Variants in GBF1 observed in about 807,000 individuals in gnomAD.
GBF1 encodes Golgi-specific brefeldin A-resistance guanine nucleotide exchange factor 1.
Under a neutral mutation model 210.5 loss-of-function variants are expected in GBF1, and 114 were observed. The ratio of observed to expected loss-of-function variants is 0.54; its 90% CI spans 0.47 to 0.63. The LOEUF (loss-of-function observed/expected upper bound fraction) is 0.63, where lower values mean the gene tolerates loss of function less well. GBF1 is among the 30% of genes least tolerant of loss of function. The probability of loss-of-function intolerance (pLI) is 0.00; values close to 1 mark genes in which losing one functional copy is unlikely to be tolerated. For missense variants in GBF1, 1,851 were observed against 2,357.7 expected (o/e 0.79, Z 4.45); for synonymous variants, 850 against 889.2 (o/e 0.96, Z 0.78).
chr10:102,273,126 A>G (rs1488078853), intron 3 of GBF1, among the ~76,000 whole-genome samples: 2 of 152,114 alleles, frequency 1.3e-5, no homozygotes, highest in African/African-American at 4.8e-5. Flanking sequence ...GTGCATCATG[A>G]GGTCAGGAGT....
intron 3 of GBF1, among the ~76,000 whole-genome samples, chr10:102,323,496 C>A (rs948797514): frequency 6.6e-6 from 1 of 151,438 alleles, no homozygotes; most frequent in Non-Finnish European, 1.5e-5. Flanking sequence ...TCTTCCTTTT[C>A]TTCTTTTATT....
chr10:102,327,656 A>G (rs2057008593), intron 3 of GBF1, among the ~76,000 whole-genome samples: 1 of 152,202 alleles, frequency 6.6e-6, no homozygotes, highest in Non-Finnish European at 1.5e-5. Flanking sequence ...CATGTAATGG[A>G]ATACCCATTA....
intron 30 of GBF1, 23 bp from the exon 31 acceptor site, chr10:102,376,249 G>C: frequency 6.2e-7 from 1 of 1,608,310 alleles, no homozygotes; most frequent in African/African-American, 1.3e-5. Flanking sequence ...CCCTGACTCT[G>C]CCCTTCTCCC....
intron 4 of GBF1, 124 bp from the exon 5 acceptor site, chr10:102,351,132 G>T (rs1461723769): frequency 1.7e-6 from 1 of 573,344 alleles, no homozygotes; most frequent in Non-Finnish European, 3.1e-6. Context: ...TTCTCAGGTA[G>T]CTCAAGGAGC....
chr10:102,297,853 A>T (rs1489838411), intron 3 of GBF1, among the ~76,000 whole-genome samples: 1 of 152,204 alleles, frequency 6.6e-6, no homozygotes, highest in Non-Finnish European at 1.5e-5. Context: ...ATAGGTAAAA[A>T]GTTGTTAGAA....
chr10:102,266,543 A>G (rs2073891685), intron 3 of GBF1, among the ~76,000 whole-genome samples: 1 of 152,196 alleles, frequency 6.6e-6, no homozygotes, highest in Non-Finnish European at 1.5e-5. Context: ...AACATTTTGT[A>G]GCCTCTACTT....
intron 3 of GBF1, among the ~76,000 whole-genome samples, chr10:102,263,991 A>G (rs1286618205): frequency 6.6e-6 from 1 of 152,112 alleles, no homozygotes; most frequent in Non-Finnish European, 1.5e-5. Context: ...TGTGGTTACC[A>G]GGGGCTGGGA....
rs754798125 is a variant in GBF1, at chr10:102,358,189, G to A, written c.787+3G>A. The A allele has an allele frequency of 1.9e-6, 3 of 1,612,712 alleles. No individual in the cohort carries two copies. Among genetic ancestry groups the A allele is most frequent in the Admixed American group, 1.7e-5 (1 of 59,964 alleles). On this transcript the variant is annotated splice_donor_region_variant and intron_variant, in intron 9 of 39. Transcript: ENST00000369983. ...CACCTTATCATCTAACCTCACTGGT[G>A]AGTGCCCTGGACTACTTCCTCTGAT...
intron 3 of GBF1, among the ~76,000 whole-genome samples, chr10:102,276,062 C>A (rs2074932674): frequency 1.3e-5 from 2 of 151,532 alleles, no homozygotes; most frequent in African/African-American, 2.4e-5. Flanking sequence ...CATGGTGAAA[C>A]CTCGTCTCTA....
chr10:102,364,082 T>C (rs1340942812), intron 17 of GBF1, among the ~76,000 whole-genome samples: 1 of 152,138 alleles, frequency 6.6e-6, no homozygotes, highest in African/African-American at 2.4e-5. Flanking sequence ...AGTTGGTGTC[T>C]TGTGGGTCAT....
intron 3 of GBF1, among the ~76,000 whole-genome samples, chr10:102,314,837 A>G (rs1307066309): frequency 2.0e-5 from 3 of 152,194 alleles, no homozygotes; most frequent in Non-Finnish European, 4.4e-5. Flanking sequence ...AAAAACATCT[A>G]CCTAGCTGGC....
At chr10:102,272,354 C>T (rs2074525529) in intron 3 of GBF1, among the ~76,000 whole-genome samples, 1 of 152,212 alleles carries the variant, frequency 6.6e-6, no homozygotes, top group African/African-American at 2.4e-5. Flanking sequence ...ATCTGCCCAC[C>T]TTGGCTTCCC....
intron 3 of GBF1, among the ~76,000 whole-genome samples, chr10:102,332,610 C>G (rs2057418267): frequency 6.6e-6 from 1 of 152,106 alleles, no homozygotes; most frequent in Admixed American, 6.6e-5. Flanking sequence ...TATCTAACTT[C>G]TGACCTCAAG....
At chr10:102,250,427 G>T (rs2071367391) in intron 1 of GBF1, among the ~76,000 whole-genome samples, 1 of 152,022 alleles carries the variant, frequency 6.6e-6, no homozygotes, top group Non-Finnish European at 1.5e-5. Context: ...TGTCATCATA[G>T]CCCATTGCAG....
chr10:102,241,889 G>A (rs1342883951), upstream of GBF1, among the ~76,000 whole-genome samples: 1 of 152,242 alleles, frequency 6.6e-6, no homozygotes, highest in African/African-American at 2.4e-5. This position sits in a 1 kb window ranked among gnomAD's most constrained non-coding sequence, Gnocchi z 6.7. Context: ...AAGTGGATCG[G>A]CGCCAGGTGG....
At chr10:102,243,928 G>A (rs1221680213), upstream of GBF1, among the ~76,000 whole-genome samples, 4 of 152,086 alleles carry the variant, frequency 2.6e-5, no homozygotes, top group African/African-American at 7.2e-5. Context: ...TCAGGAGTTC[G>A]AGACCAGCCT....
At chr10:102,364,227 T>TC (rs1331741099) in intron 17 of GBF1, among the ~76,000 whole-genome samples, 3 of 139,274 alleles carry the variant, frequency 2.2e-5, no homozygotes, top group Admixed American at 7.2e-5. Context: ...CTTTTTTTTT[T>TC]TTTTTTTTTT....
intron 1 of GBF1, among the ~76,000 whole-genome samples, chr10:102,248,334 A>G (rs574719390): frequency 6.6e-6 from 1 of 152,120 alleles, no homozygotes; most frequent in South Asian, 2.1e-4. Flanking sequence ...CTAAATGAAA[A>G]TATAATAAAG....
At chr10:102,230,702 A>G in the GBF1 span, 1 of 1,559,694 alleles carries the variant, frequency 6.4e-7, no homozygotes, top group Non-Finnish European at 8.7e-7. Flanking sequence ...GCGGCGGCCG[A>G]GGCATAAGGG....
Sources: gnomAD v4.1 joint callset for allele counts (sites outside exome capture counted in the v4.1 genomes callset) on GRCh38, gnomAD v4.1.1 for gene constraint, Gnocchi (gnomAD v3.1) non-coding constraint, MANE v1.5 for transcripts, NCBI Gene and HGNC (gene_info 2026-07-23, HGNC 2026-07-21) for gene names.